BICC1: variants seen among roughly 807,000 people sequenced by gnomAD.
The protein encoded by BICC1 is BicC family RNA binding protein 1, also known as protein bicaudal C homolog 1.
A neutral mutation model predicts 111.0 loss-of-function variants in BICC1; 43 were observed. The observed-to-expected ratio is 0.39, with a 90% CI of 0.30 to 0.50. The LOEUF (loss-of-function observed/expected upper bound fraction) is 0.50, where lower values mean the gene tolerates loss of function less well. BICC1 is among the 20% of genes least tolerant of loss of function. The probability of loss-of-function intolerance (pLI) is 0.88; values close to 1 mark genes in which losing one functional copy is unlikely to be tolerated. For missense variants in BICC1, 1,091 were observed against 1,203.2 expected, an observed-to-expected ratio of 0.91 and a Z score of 1.38; for synonymous variants, 467 against 434.4, an observed-to-expected ratio of 1.07 and a Z score of -0.93.
intron 1 of BICC1, among the ~76,000 whole-genome samples, chr10:58,605,194 T>TAGGC (rs1845169237): frequency 1.3e-5 from 2 of 152,322 alleles, no homozygotes; most frequent in African/African-American, 4.8e-5. Flanking sequence ...GCCTAGAATA[T>TAGGC]TAAAAATCGT....
At chr10:58,697,791 C>T (rs1840107517) in intron 2 of BICC1, among the ~76,000 whole-genome samples, 1 of 152,060 alleles carries the variant, frequency 6.6e-6, no homozygotes, top group African/African-American at 2.4e-5. Flanking sequence ...GTTCCTGGAC[C>T]AACCTCCACC....
At chr10:58,526,940 C>G (rs1192672501) in intron 1 of BICC1, among the ~76,000 whole-genome samples, 1 of 152,148 alleles carries the variant, frequency 6.6e-6, no homozygotes, top group East Asian at 1.9e-4. Flanking sequence ...TGGGTATATA[C>G]CCAGTAATGG....
At chr10:58,825,248 A>G (rs909196109) in intron 20 of BICC1, among the ~76,000 whole-genome samples, 1 of 152,160 alleles carries the variant, frequency 6.6e-6, no homozygotes, top group Non-Finnish European at 1.5e-5. Context: ...GCTGTGGCTT[A>G]ATACAGTTGA....
chr10:58,782,029 G>T (rs1200593084), intron 3 of BICC1, among the ~76,000 whole-genome samples: 1 of 152,166 alleles, frequency 6.6e-6, no homozygotes, highest in Non-Finnish European at 1.5e-5. Flanking sequence ...CTGCATGCAT[G>T]CTCATGTGTC....
chr10:58,613,435 T>G (rs1254808574), intron 1 of BICC1, among the ~76,000 whole-genome samples: 1 of 152,186 alleles, frequency 6.6e-6, no homozygotes, highest in Non-Finnish European at 1.5e-5. Context: ...GTAATCAAAC[T>G]TTAAAGGTCA....
rs576132425 is a variant in BICC1 at position 58,694,349 on chromosome 10, C to T, written c.238-7725C>T. On this transcript the variant is annotated intron_variant, in intron 2 of 20. Transcript: ENST00000373886. The stretch of plus-strand genomic sequence containing the variant: ...TAACAGCCATGTCGTGAGCAGTCAC[C>T]AACAAACTTCAGAAGAGAAATGTGA... Among the ~76,000 whole-genome samples, 21 of 152,270 alleles carry T rather than the reference C, an allele frequency of 1.4e-4. No homozygotes were observed. The South Asian group carries it at 3.5e-3, about 26-fold the overall frequency.
intron 2 of BICC1, among the ~76,000 whole-genome samples, chr10:58,689,030 A>G (rs1051451975): frequency 1.3e-5 from 2 of 152,160 alleles, no homozygotes; most frequent in Non-Finnish European, 2.9e-5. Context: ...AAGTATAATA[A>G]CAACAACAAC....
chr10:58,704,391 GC>G (rs1049617183), intron 3 of BICC1, among the ~76,000 whole-genome samples: 3 of 152,186 alleles, frequency 2.0e-5, no homozygotes, highest in African/African-American at 7.2e-5. Flanking sequence ...TACTTGAGTT[GC>G]TCTTATCATT....
chr10:58,711,245 A>G (rs546768435), intron 3 of BICC1, among the ~76,000 whole-genome samples: 2 of 152,342 alleles, frequency 1.3e-5, no homozygotes, highest in African/African-American at 4.8e-5. Context: ...AAAGAGTTGA[A>G]TAAGTTGTAT....
intron 1 of BICC1, among the ~76,000 whole-genome samples, chr10:58,542,469 G>T (rs961560792): frequency 1.3e-5 from 2 of 152,078 alleles, no homozygotes; most frequent in African/African-American, 2.4e-5. Context: ...CAATGATTTT[G>T]TGGATTTAAC....
chr10:58,695,727 T>C (rs1840048078), intron 2 of BICC1, among the ~76,000 whole-genome samples: 1 of 152,182 alleles, frequency 6.6e-6, no homozygotes, highest in Admixed American at 6.5e-5. Flanking sequence ...TAAGATATTA[T>C]CCGGTAATTG....
chr10:58,672,387 A>G (rs778250612), intron 2 of BICC1, among the ~76,000 whole-genome samples: 3 of 151,938 alleles, frequency 2.0e-5, no homozygotes, highest in Non-Finnish European at 4.4e-5. Context: ...AAGGACGGGC[A>G]CTTATTTAGT....
chr10:58,513,647 G>T (rs900901566), intron 1 of BICC1, among the ~76,000 whole-genome samples: 1 of 152,202 alleles, frequency 6.6e-6, no homozygotes, highest in African/African-American at 2.4e-5. Context: ...ACTTTAGCCC[G>T]GACACCTGGG....
intron 3 of BICC1, among the ~76,000 whole-genome samples, chr10:58,757,849 T>G (rs1842188435): frequency 1.3e-5 from 2 of 152,196 alleles, no homozygotes; most frequent in Non-Finnish European, 2.9e-5. Flanking sequence ...ACAGCTGACC[T>G]TTACATCAAA....
chr10:58,584,338 AG>A (rs1235091013), intron 1 of BICC1, among the ~76,000 whole-genome samples: 1 of 152,048 alleles, frequency 6.6e-6, no homozygotes, highest in Non-Finnish European at 1.5e-5. Flanking sequence ...CTGTGTTCTG[AG>A]CCCCCTTTTT....
At chr10:58,802,777 G>C (rs1314672280) in intron 14 of BICC1, among the ~76,000 whole-genome samples, 1 of 152,114 alleles carries the variant, frequency 6.6e-6, no homozygotes, top group Non-Finnish European at 1.5e-5. Flanking sequence ...TATATATACT[G>C]TGTTTGAATG....
At chr10:58,790,556 G>A (rs1028308903) in intron 8 of BICC1, among the ~76,000 whole-genome samples, 3 of 152,044 alleles carry the variant, frequency 2.0e-5, no homozygotes, top group South Asian at 2.1e-4. Context: ...GGCCAGGTGC[G>A]GTACCTCATG....
intron 10 of BICC1, among the ~76,000 whole-genome samples, chr10:58,797,396 A>T (rs1261884669): frequency 6.6e-6 from 1 of 152,174 alleles, no homozygotes; most frequent in Non-Finnish European, 1.5e-5. Flanking sequence ...TCTTGCTTTT[A>T]ACTTTTAAGA....
chr10:58,712,379 TCTGCACAAAAAC>T (rs1840603117), intron 3 of BICC1, among the ~76,000 whole-genome samples: 1 of 152,172 alleles, frequency 6.6e-6, no homozygotes, highest in Admixed American at 6.5e-5. Flanking sequence ...AAAACTTATG[TCTGCACAAAAAC>T]CTGCACATGG....
Sources: allele counts gnomAD v4.1 joint callset (sites outside exome capture counted in the v4.1 genomes callset), GRCh38; gene constraint gnomAD v4.1.1; transcripts MANE v1.5; gene names NCBI Gene and HGNC (gene_info 2026-07-23, HGNC 2026-07-21).